WDR75: variants seen among roughly 807,000 people sequenced by gnomAD.
WDR75 encodes the protein WD repeat-containing protein 75.
WDR75 carries 52 observed loss-of-function variants against 106.1 expected under a neutral mutation model. The observed-to-expected ratio is 0.49, with a 90% CI of 0.39 to 0.62. The LOEUF (loss-of-function observed/expected upper bound fraction) is 0.62, where lower values mean the gene tolerates loss of function less well. WDR75 is among the 20% of genes least tolerant of loss of function. The pLI is 0.00. For synonymous variants in WDR75, 333 were observed against 335.5 expected (o/e 0.99, Z 0.08); for missense variants, 905 against 970.3 (o/e 0.93, Z 0.89).
At chr2:189,465,327 T>C (rs1558987782) in intron 12 of WDR75, 73 bp downstream of exon 12, 11 of 1,429,144 alleles carry the variant, frequency 7.7e-6, no homozygotes, top group Non-Finnish European at 1.0e-5. Context: ...GTTTCAATTG[T>C]CTTTAAGATG....
At chr2:189,470,751 C>T in intron 17 of WDR75, 68 bp from the exon 18 acceptor site, 2 of 1,238,638 alleles carry the variant, frequency 1.6e-6, no homozygotes, top group Non-Finnish European at 1.1e-6. Flanking sequence ...TTTTTAACAC[C>T]CTGTAACACC....
intron 8 of WDR75, among the ~76,000 whole-genome samples, chr2:189,461,461 C>G (rs956867846): frequency 2.0e-5 from 3 of 151,666 alleles, no homozygotes; most frequent in African/African-American, 7.3e-5. Flanking sequence ...CTTTTTAGGT[C>G]TTTATATCCA....
At chr2:189,449,787 A>C (rs1474179535) in intron 2 of WDR75, 1 of 984,098 alleles carries the variant, frequency 1.0e-6, no homozygotes, top group African/African-American at 1.7e-5. Flanking sequence ...AGTTTGTATA[A>C]TTTTTTGACT....
chr2:189,466,617 A>G, intron 13 of WDR75, 35 bp downstream of exon 13: 1 of 1,566,998 alleles, frequency 6.4e-7, no homozygotes, highest in Non-Finnish European at 8.6e-7. Flanking sequence ...TAAAGTGTGC[A>G]CAATTTTAGG....
intron 18 of WDR75, among the ~76,000 whole-genome samples, chr2:189,473,770 C>G (rs1314774738): frequency 6.6e-6 from 1 of 152,200 alleles, no homozygotes; most frequent in African/African-American, 2.4e-5. Flanking sequence ...TCTTGGCTTT[C>G]CCTACAGCCA....
At chr2:189,465,675 A>T (rs1054747678) in intron 12 of WDR75, among the ~76,000 whole-genome samples, 3 of 152,098 alleles carry the variant, frequency 2.0e-5, no homozygotes, top group Non-Finnish European at 4.4e-5. Context: ...TATAATAACC[A>T]CTTAACAGAT....
chr2:189,445,429 A>C (rs1390846062), intron 1 of WDR75, among the ~76,000 whole-genome samples: 6 of 152,028 alleles, frequency 3.9e-5, no homozygotes, highest in Non-Finnish European at 7.4e-5. Context: ...GCACATTAGG[A>C]CGGGTGCTGA....
rs1687189827 is a variant in WDR75 at position 189,475,227 on chromosome 2, C to T, written c.2303C>T (p.Pro768Leu). Reference sequence around the variant, plus strand: ...TATTGTTAAAGTGCTAAGGAAATTCCTGAAGATGTAGATATGGAAGAAGAA... The same window carrying T: ...TATTGTTAAAGTGCTAAGGAAATTCTTGAAGATGTAGATATGGAAGAAGAA... ...SKETKSAKEI[P>L]EDVDMEEEKE... is the part of the protein sequence containing the mutation. Residue 768 changes from proline to leucine, a missense_variant, in exon 21 of 21, where the codon CCT becomes CTT. Transcript: ENST00000314761. The T allele has an allele frequency of 6.2e-7, 1 of 1,607,696 alleles. No individual in the cohort carries two copies. Among genetic ancestry groups the T allele is most frequent in the Non-Finnish European group, 8.5e-7 (1 of 1,177,244 alleles).
chr2:189,448,514 A>C lies in WDR75; in HGVS notation c.216+6A>C. ...ACCCCAACAACCATCTACAGGTGTC[A>C]AACAGTTTATAGCTGAATACTTTAA... On this transcript the variant is annotated splice_donor_region_variant and intron_variant, in intron 2 of 20. Coordinates refer to ENST00000314761, the MANE Select transcript of WDR75 (RefSeq NM_032168.3). The C allele has an allele frequency of 1.2e-6, 2 of 1,613,574 alleles. No individual in the cohort carries two copies. Among genetic ancestry groups the C allele is most frequent in the Non-Finnish European group, 1.7e-6 (2 of 1,179,708 alleles).
In WDR75 at chr2:189,463,830, G is replaced by A; in HGVS notation, c.998-16G>A. The A allele has an allele frequency of 5.0e-6, 8 of 1,613,552 alleles. No homozygotes were observed. Among genetic ancestry groups the A allele is most frequent in the Non-Finnish European group, 6.8e-6 (8 of 1,179,620 alleles). On this transcript the variant is annotated splice_polypyrimidine_tract_variant and intron_variant, in intron 10 of 20. Coordinates refer to ENST00000314761, the MANE Select transcript of WDR75 (RefSeq NM_032168.3). ...ATTTCTCTTATTTCACCTGTTATTT[G>A]TCACCACTTCTGCAGATAGGAGTAT...
chr2:189,468,806 T>G (rs927543956), intron 15 of WDR75, among the ~76,000 whole-genome samples: 2 of 152,174 alleles, frequency 1.3e-5, no homozygotes, highest in African/African-American at 4.8e-5. Context: ...TTCTACTGTT[T>G]TCAGTGTGTG....
rs780806041 is a variant in WDR75, at chr2:189,466,509, G to C, written c.1374G>C (p.Gln458His). 11 of 1,613,184 alleles carry C rather than the reference G, an allele frequency of 6.8e-6. No individual in the cohort carries two copies. In the African/African-American group the frequency reaches 1.2e-4, roughly 18 times the overall value. Reference protein sequence around the residue: ...LCFCNAEKSEQPTLVTASKDG... With the variant: ...LCFCNAEKSEHPTLVTASKDG... Reference sequence around the variant, plus strand: ...TCTGTAATGCAGAAAAATCTGAACAGCCCACCTTGGTTACAGCTAGCAAAG... The same window carrying C: ...TCTGTAATGCAGAAAAATCTGAACACCCCACCTTGGTTACAGCTAGCAAAG... The change falls in exon 13 of 21, where the codon CAG becomes CAC. Residue 458 changes from glutamine to histidine, a missense_variant. Physicochemically the swap from Gln to His is conservative, Grantham distance 24. Coordinates refer to ENST00000314761, the MANE Select transcript of WDR75 (RefSeq NM_032168.3).
intron 14 of WDR75, among the ~76,000 whole-genome samples, chr2:189,468,271 T>A (rs6434343): frequency 0.8 from 122,134 of 152,104 alleles, 50,512 homozygotes; most frequent in Non-Finnish European, 0.91. Flanking sequence ...TGGTCATCCG[T>A]TCTGTTTTCC....
intron 19 of WDR75, 65 bp downstream of exon 19, chr2:189,474,397 T>C: frequency 3.3e-6 from 5 of 1,527,006 alleles, no homozygotes; most frequent in Non-Finnish European, 4.4e-6. Flanking sequence ...AGTTGGAGTT[T>C]TGACACAGTC....
At chr2:189,447,379 C>G (rs1686523535) in intron 1 of WDR75, among the ~76,000 whole-genome samples, 1 of 152,138 alleles carries the variant, frequency 6.6e-6, no homozygotes, top group East Asian at 1.9e-4. Flanking sequence ...ATTTCAGCAA[C>G]AAGAAACAAA....
intron 2 of WDR75, chr2:189,450,493 G>A (rs1047278120): frequency 3.4e-6 from 3 of 879,646 alleles, no homozygotes; most frequent in African/African-American, 3.7e-5. Flanking sequence ...ACCACGCCTG[G>A]CTAATTTTTG....
intron 1 of WDR75, among the ~76,000 whole-genome samples, chr2:189,442,222 C>T (rs1307634662): frequency 1.3e-5 from 2 of 152,014 alleles, no homozygotes; most frequent in Admixed American, 1.3e-4. Context: ...GTTCATCTCA[C>T]GTGGTTATTG....
At chr2:189,459,004 A>G in intron 7 of WDR75, 132 bp downstream of exon 7, 1 of 1,168,800 alleles carries the variant, frequency 8.6e-7, no homozygotes, top group Non-Finnish European at 1.2e-6. Flanking sequence ...TTTCATACTT[A>G]CTGTTTTAGA....
chr2:189,465,356 T>A, intron 12 of WDR75, 102 bp downstream of exon 12: 1 of 1,280,942 alleles, frequency 7.8e-7, no homozygotes, highest in Non-Finnish European at 1.1e-6. Context: ...TGACAAGGTT[T>A]AGATTTAGAG....
Sources: gnomAD v4.1 joint callset for allele counts (sites outside exome capture counted in the v4.1 genomes callset) on GRCh38, gnomAD v4.1.1 for gene constraint, MANE v1.5 for transcripts, NCBI Gene and HGNC (gene_info 2026-07-23, HGNC 2026-07-21) for gene names.